TMEM132D: variants seen among roughly 807,000 people sequenced by gnomAD.
The protein encoded by TMEM132D is transmembrane protein 132D.
TMEM132D carries 21 observed loss-of-function variants against 62.3 expected under a neutral mutation model. The observed-to-expected ratio is 0.34, with a 90% confidence interval of 0.24 to 0.49. The LOEUF (loss-of-function observed/expected upper bound fraction) is 0.49, where lower values mean the gene tolerates loss of function less well. Ranked by LOEUF, TMEM132D falls within the 20% of genes least tolerant of loss-of-function variation. The pLI, the probability that TMEM132D is intolerant of heterozygous loss-of-function variation, is 0.99. For synonymous variants in TMEM132D, 621 were observed against 575.6 expected, an observed-to-expected ratio of 1.08 and a Z score of -1.13; for missense variants, 1,346 against 1,402.8, an observed-to-expected ratio of 0.96 and a Z score of 0.65.
intron 4 of TMEM132D, among the ~76,000 whole-genome samples, chr12:129,245,304 C>G (rs1880066304): frequency 6.6e-6 from 1 of 152,198 alleles, no homozygotes; most frequent in African/African-American, 2.4e-5. Flanking sequence ...TGGATCAATA[C>G]AGTGTGTAGC....
Position 129,273,832 on chromosome 12 carries a change from C to T in TMEM132D, c.1299+63802G>A, listed in dbSNP as rs187157747. Among the ~76,000 whole-genome samples, 167 of 151,154 alleles carry T rather than the reference C, an allele frequency of 1.1e-3. 3 individuals carry two copies. The highest frequency in any genetic ancestry group is 3.7e-3 in the African/African-American group (153 of 40,812). ...GTGCTCACTTCCTTGATGATGGGAT[C>T]GATTGTACCCCAAACCTCAGCATCA... On this transcript the variant is annotated intron_variant, in intron 4 of 8. Coordinates refer to ENST00000422113, the MANE Select transcript of TMEM132D (RefSeq NM_133448.3).
At chr12:129,878,509 GA>G (rs897703319) in intron 1 of TMEM132D, among the ~76,000 whole-genome samples, 1 of 151,756 alleles carries the variant, frequency 6.6e-6, no homozygotes, top group African/African-American at 2.4e-5. Flanking sequence ...CTAGAGGATG[GA>G]AAAGAGAGCC....
intron 1 of TMEM132D, among the ~76,000 whole-genome samples, chr12:129,868,267 A>G (rs186988366): frequency 7.2e-5 from 11 of 151,810 alleles, no homozygotes; most frequent in South Asian, 2.1e-4. Context: ...ATGAGACAGC[A>G]TTTCTATGGT....
At chr12:129,408,991 G>A (rs1245698914) in intron 3 of TMEM132D, among the ~76,000 whole-genome samples, 1 of 152,122 alleles carries the variant, frequency 6.6e-6, no homozygotes, top group East Asian at 1.9e-4. Flanking sequence ...GGAGTGCAAT[G>A]GTGTGATCTC....
chr12:129,164,582 C>T (rs776976573), intron 5 of TMEM132D, among the ~76,000 whole-genome samples: 7 of 152,082 alleles, frequency 4.6e-5, no homozygotes, highest in Non-Finnish European at 7.3e-5. Flanking sequence ...TAGTTCAGCA[C>T]GAGGAACTAT....
At chr12:129,224,390 A>G (rs1879427009) in intron 4 of TMEM132D, among the ~76,000 whole-genome samples, 1 of 152,166 alleles carries the variant, frequency 6.6e-6, no homozygotes, top group Admixed American at 6.5e-5. Context: ...TGTTTTAAAT[A>G]TACACATTTA....
At chr12:129,238,229 T>C (rs1593307105) in intron 4 of TMEM132D, among the ~76,000 whole-genome samples, 1 of 152,210 alleles carries the variant, frequency 6.6e-6, no homozygotes, top group African/African-American at 2.4e-5. Flanking sequence ...TTCAATGCAA[T>C]AGAAGGTTTT....
At chr12:129,179,834 C>G (rs1878014918) in intron 5 of TMEM132D, among the ~76,000 whole-genome samples, 1 of 152,062 alleles carries the variant, frequency 6.6e-6, no homozygotes, top group South Asian at 2.1e-4. Context: ...TCGAGATCAG[C>G]CTGGCCAACA....
At chr12:129,685,292 C>T (rs1461620865) in intron 2 of TMEM132D, among the ~76,000 whole-genome samples, 3 of 152,158 alleles carry the variant, frequency 2.0e-5, no homozygotes, top group Non-Finnish European at 4.4e-5. Context: ...TTGGGCTGGG[C>T]CCAGGGCCCC....
chr12:129,457,526 G>T (rs1240148486), intron 3 of TMEM132D, among the ~76,000 whole-genome samples: 2 of 151,206 alleles, frequency 1.3e-5, no homozygotes, highest in Admixed American at 1.3e-4. Flanking sequence ...CACCAACATG[G>T]CACATGTATA....
intron 5 of TMEM132D, among the ~76,000 whole-genome samples, chr12:129,103,419 C>T (rs1055783657): frequency 6.6e-6 from 1 of 152,232 alleles, no homozygotes; most frequent in Non-Finnish European, 1.5e-5. Context: ...GCTTCCACGC[C>T]CAGATTTGGA....
At chr12:129,695,790 A>G (rs1881192463) in intron 2 of TMEM132D, among the ~76,000 whole-genome samples, 1 of 152,248 alleles carries the variant, frequency 6.6e-6, no homozygotes, top group South Asian at 2.1e-4. Context: ...GAACTATTGA[A>G]GGAATTCACT....
intron 3 of TMEM132D, among the ~76,000 whole-genome samples, chr12:129,446,019 C>G (rs1403204636): frequency 3.9e-5 from 6 of 152,128 alleles, no homozygotes; most frequent in Admixed American, 3.9e-4. Context: ...CTTTATACAG[C>G]TCTACCAGTC....
intron 2 of TMEM132D, among the ~76,000 whole-genome samples, chr12:129,551,709 G>A (rs988651641): frequency 1.4e-4 from 22 of 152,122 alleles, no homozygotes; most frequent in African/African-American, 4.3e-4. Flanking sequence ...TCTTCTACAC[G>A]CCCTGCCTAA....
At position 129,542,406 on chromosome 12, in the gene TMEM132D, G is replaced by T. The variant is rs144218781; in HGVS notation, c.969-11201C>A. Among the ~76,000 whole-genome samples the T allele has an allele frequency of 7.4e-3, 1,127 of 152,244 alleles. 9 individuals are homozygous for T. The highest frequency in any genetic ancestry group is 0.01 in the Non-Finnish European group (701 of 68,022). On this transcript the variant is annotated intron_variant, in intron 2 of 8. Coordinates refer to ENST00000422113, the MANE Select transcript of TMEM132D (RefSeq NM_133448.3). ...AAGAAGGCATTCTAAATCAAAAGCG[G>T]AACTATGGTTAATAAACGTAAATTC...
intron 3 of TMEM132D, among the ~76,000 whole-genome samples, chr12:129,341,025 G>A (rs141091160): frequency 4.6e-5 from 7 of 152,306 alleles, no homozygotes; most frequent in East Asian, 3.9e-4. Context: ...TGGTGATCTC[G>A]TTGGAATATC....
At chr12:129,805,582 A>T (rs1871952172) in intron 1 of TMEM132D, among the ~76,000 whole-genome samples, 1 of 152,098 alleles carries the variant, frequency 6.6e-6, no homozygotes, top group African/African-American at 2.4e-5. Context: ...CTAAAACCAT[A>T]AAAACCCTAG....
intron 5 of TMEM132D, among the ~76,000 whole-genome samples, chr12:129,147,164 ATG>A (rs1285711062): frequency 1.3e-5 from 2 of 151,530 alleles, no homozygotes; most frequent in South Asian, 2.1e-4. Context: ...ATGAGAGAAT[ATG>A]TGTGTGTGTA....
At chr12:129,134,606 A>G (rs1876501507) in intron 5 of TMEM132D, among the ~76,000 whole-genome samples, 1 of 152,178 alleles carries the variant, frequency 6.6e-6, no homozygotes, top group South Asian at 2.1e-4. Flanking sequence ...AATAATTTAT[A>G]TTATTCTCCC....
Sources: gnomAD v4.1 joint callset for allele counts (sites outside exome capture counted in the v4.1 genomes callset) on GRCh38, gnomAD v4.1.1 for gene constraint, MANE v1.5 for transcripts, NCBI Gene and HGNC (gene_info 2026-07-23, HGNC 2026-07-21) for gene names.